Variants in PDE1C observed in about 807,000 individuals in gnomAD.
PDE1C encodes phosphodiesterase 1C.
In PDE1C, 62 loss-of-function variants were observed where a neutral mutation model predicts 93.1. The ratio of observed to expected loss-of-function variants is 0.67; its 90% CI spans 0.54 to 0.82. The LOEUF (loss-of-function observed/expected upper bound fraction) is 0.82, where lower values mean the gene tolerates loss of function less well. PDE1C is among the 40% of genes least tolerant of loss of function. The pLI, the probability that PDE1C is intolerant of heterozygous loss-of-function variation, is 0.00. For synonymous variants in PDE1C, 325 were observed against 310.1 expected, an observed-to-expected ratio of 1.05 and a Z score of -0.50; for missense variants, 742 against 884.6, an observed-to-expected ratio of 0.84 and a Z score of 2.04.
intron 16 of PDE1C, among the ~76,000 whole-genome samples, chr7:31,806,284 GA>G (rs1786815716): frequency 6.6e-6 from 1 of 151,864 alleles, no homozygotes; most frequent in Non-Finnish European, 1.5e-5. Context: ...TGTATTTCTG[GA>G]TAGCTATAAT....
At chr7:31,765,907 G>C (rs73686949) in intron 17 of PDE1C, among the ~76,000 whole-genome samples, 2,211 of 152,242 alleles carry the variant, frequency 0.015, 58 homozygotes, top group African/African-American at 0.05. Flanking sequence ...AGAGAAAAGA[G>C]CACAGGCCTG....
chr7:31,793,739 G>A (rs964608170), intron 16 of PDE1C, among the ~76,000 whole-genome samples: 2 of 151,158 alleles, frequency 1.3e-5, no homozygotes, highest in Admixed American at 1.3e-4. Flanking sequence ...TATCTGTTAG[G>A]CTTTATCCAG....
rs576534641 is a variant in PDE1C at position 31,968,214 on chromosome 7, C to T, written c.128+83340G>A. On this transcript the variant is annotated intron_variant, in intron 2 of 17. Transcript: ENST00000396191. Reference sequence around the variant, plus strand: ...TGACTGTATATCTAGAAAACCCCATCGTCTCAGCCCAAAATCTCCTTAAGC... The same window carrying T: ...TGACTGTATATCTAGAAAACCCCATTGTCTCAGCCCAAAATCTCCTTAAGC... 3.1e-4 allele frequency among the ~76,000 whole-genome samples: 47 copies of T among 152,230 alleles called. No individual in the cohort carries two copies. The East Asian group carries it at 3.1e-3, about 10-fold the overall frequency.
At chr7:31,792,043 T>C (rs1220035583) in intron 16 of PDE1C, among the ~76,000 whole-genome samples, 4 of 152,068 alleles carry the variant, frequency 2.6e-5, no homozygotes, top group African/African-American at 7.2e-5. Context: ...CCTGTGTTCA[T>C]TGTCATTAAA....
intron 1 of PDE1C, among the ~76,000 whole-genome samples, chr7:32,246,727 G>T (rs2128872749): frequency 6.6e-6 from 1 of 152,344 alleles, no homozygotes; most frequent in African/African-American, 2.4e-5. Context: ...CTAAATATCA[G>T]CTGTGTGACC....
At chr7:32,183,993 G>A (rs1049242619) in intron 2 of PDE1C, among the ~76,000 whole-genome samples, 1 of 152,188 alleles carries the variant, frequency 6.6e-6, no homozygotes, top group Non-Finnish European at 1.5e-5. Flanking sequence ...CAAAGGATAT[G>A]AACAGACACT....
chr7:31,927,911 A>C (rs999570829), intron 2 of PDE1C, among the ~76,000 whole-genome samples: 1 of 152,110 alleles, frequency 6.6e-6, no homozygotes, highest in Non-Finnish European at 1.5e-5. Context: ...CCTCTCCAAC[A>C]AGGGCACACA....
intron 3 of PDE1C, among the ~76,000 whole-genome samples, chr7:32,123,186 C>T (rs968612801): frequency 6.6e-6 from 1 of 152,102 alleles, no homozygotes; most frequent in Non-Finnish European, 1.5e-5. Context: ...CCTGAATAGA[C>T]CAATAACAAG....
At chr7:31,703,583 C>T in the PDE1C span, among the ~76,000 whole-genome samples, 1 of 152,178 alleles carries the variant, frequency 6.6e-6, no homozygotes, top group Admixed American at 6.5e-5. Context: ...AGCTGAAGTA[C>T]TTTATTTTTG....
intron 17 of PDE1C, among the ~76,000 whole-genome samples, chr7:31,756,893 A>C (rs550250713): frequency 1.3e-5 from 2 of 152,212 alleles, no homozygotes; most frequent in Non-Finnish European, 2.9e-5. Flanking sequence ...GTCACTGAAA[A>C]AGCCAGTGCA....
the PDE1C span, among the ~76,000 whole-genome samples, chr7:31,679,952 G>T: frequency 1.3e-5 from 2 of 152,208 alleles, no homozygotes; most frequent in African/African-American, 4.8e-5. Context: ...GCAAGCGAGG[G>T]AAGAGGGCAA....
chr7:31,674,559 G>T, the PDE1C span, among the ~76,000 whole-genome samples: 18 of 152,052 alleles, frequency 1.2e-4, no homozygotes, highest in African/African-American at 4.1e-4. Context: ...GCAATGTGTT[G>T]ATATAGAGAT....
intron 1 of PDE1C, among the ~76,000 whole-genome samples, chr7:32,244,264 G>T (rs1003535578): frequency 6.6e-6 from 1 of 152,188 alleles, no homozygotes; most frequent in Non-Finnish European, 1.5e-5. Flanking sequence ...GGATGTAGTT[G>T]TTGGCCCTGG....
intron 2 of PDE1C, among the ~76,000 whole-genome samples, chr7:31,906,785 T>C (rs1048597651): frequency 6.6e-6 from 1 of 152,152 alleles, no homozygotes; most frequent in Non-Finnish European, 1.5e-5. Context: ...TGAACAAGCT[T>C]TTTAAATACC....
chr7:32,239,294 G>A (rs1486780985), intron 1 of PDE1C, among the ~76,000 whole-genome samples: 1 of 152,126 alleles, frequency 6.6e-6, no homozygotes, highest in Non-Finnish European at 1.5e-5. Flanking sequence ...TCAGGAGGCT[G>A]AGATGAGAGG....
chr7:31,824,510 A>G (rs1288461701), intron 13 of PDE1C, among the ~76,000 whole-genome samples: 2 of 152,074 alleles, frequency 1.3e-5, no homozygotes, highest in Non-Finnish European at 2.9e-5. Context: ...AATGAAAGTC[A>G]GTTTCATTTC....
chr7:32,309,564 T>C (rs989148135), intron 1 of PDE1C, among the ~76,000 whole-genome samples: 3 of 152,232 alleles, frequency 2.0e-5, no homozygotes, highest in Non-Finnish European at 4.4e-5. Context: ...GCAGAAACTC[T>C]ACAAGCCAGA....
chr7:31,799,937 T>C (rs1478900348), intron 16 of PDE1C, among the ~76,000 whole-genome samples: 1 of 151,702 alleles, frequency 6.6e-6, no homozygotes, highest in Non-Finnish European at 1.5e-5. Flanking sequence ...AAGAAATTAT[T>C]ATGTGGATGT....
rs948603257 is a variant in PDE1C, at chr7:31,751,928, G to T, written c.*1456C>A. 1.4e-4 allele frequency: 21 copies of T among 152,188 alleles called. No individual in the cohort carries two copies. The highest frequency in any genetic ancestry group is 4.8e-4 in the African/African-American group (20 of 41,448). 9.4% of individuals were successfully genotyped at this position (152,188 alleles called of 1,614,324 possible). A position where few individuals can be genotyped will look rare whatever the true frequency, so the allele number is the denominator to read the frequency against. ...TCCGGGAACAAACAGCTCCTTCTTT[G>T]TAGGGCTGTCCTGGAGAGTTCATCC... On this transcript the variant is annotated 3_prime_UTR_variant, in exon 18 of 18. Transcript: ENST00000396191.
Sources: gnomAD v4.1 joint callset for allele counts (sites outside exome capture counted in the v4.1 genomes callset) on GRCh38, gnomAD v4.1.1 for gene constraint, MANE v1.5 for transcripts, NCBI Gene and HGNC (gene_info 2026-07-23, HGNC 2026-07-21) for gene names.